CFAP410: variants seen among roughly 807,000 people sequenced by gnomAD.
The protein encoded by CFAP410 is cilia- and flagella-associated protein 410.
In CFAP410, 27 loss-of-function variants were observed where a neutral mutation model predicts 25.7. The ratio of observed to expected loss-of-function variants is 1.05; its 90% CI spans 0.77 to 1.45. The LOEUF (loss-of-function observed/expected upper bound fraction) is 1.45, where lower values mean the gene tolerates loss of function less well. Among genes scored for constraint, CFAP410 ranks in the 40% most tolerant of loss-of-function variants. CFAP410 has a pLI of 0.00. For synonymous variants in CFAP410, 178 were observed against 158.4 expected, an observed-to-expected ratio of 1.12 and a Z score of -0.93; for missense variants, 428 against 354.1, an observed-to-expected ratio of 1.21 and a Z score of -1.67.
rs770840314 is a variant in CFAP410 at position 44,339,102 on chromosome 21, C to A, written c.77+16G>T. 13 of 1,421,984 alleles carry A rather than the reference C, an allele frequency of 9.1e-6. No homozygotes were observed. The East Asian group carries it at 3.4e-4, about 37-fold the overall frequency. 88.1% of individuals were successfully genotyped at this position (1,421,984 alleles called of 1,614,324 possible). The stretch of plus-strand genomic sequence containing the variant: ...TCCCCCCACCCCGGGGCGGCCGCGG[C>A]CAGGCCCCGCCTCACCAGCAGTTGA... On this transcript the variant is annotated intron_variant, in intron 1 of 6. Transcript: ENST00000339818.
rs776011648 is a variant in CFAP410, at chr21:44,338,144, T to C, written c.78-477A>G. 3.4e-4 allele frequency: 194 copies of C among 574,922 alleles called. 1 individual carries two copies. The highest frequency in any genetic ancestry group is 4.4e-4 in the Non-Finnish European group (174 of 391,036). 35.6% of individuals were successfully genotyped at this position (574,922 alleles called of 1,614,324 possible). A position where few individuals can be genotyped will look rare whatever the true frequency, so the allele number is the denominator to read the frequency against. On this transcript the variant is annotated intron_variant, in intron 1 of 6. Transcript: ENST00000339818. ...CCATGCAAAACAAAGAAATGCATTATTGAAAGCAAATGACACGGGAATTGT... is the reference window on the plus strand; with the variant it reads ...CCATGCAAAACAAAGAAATGCATTACTGAAAGCAAATGACACGGGAATTGT...
At chr21:44,337,968 AGAAGG>A (rs1296318458) in intron 1 of CFAP410, among the ~76,000 whole-genome samples, 37 of 152,336 alleles carry the variant, frequency 2.4e-4, no homozygotes, top group African/African-American at 8.9e-4. Flanking sequence ...CCTGAGTAGC[AGAAGG>A]TTCATTTCTC....
chr21:44,330,868 A>G lies in CFAP410; in HGVS notation c.597T>C (p.Phe199=). The change falls in exon 6 of 7, where the codon TTT becomes TTC. Residue 199 remains phenylalanine (F), a synonymous_variant. Transcript: ENST00000339818. ...AGGCATCCCTGGCTGAGAGGGAAGGAAACTGGCCCCGGGAAGGCGGCTTCA... is the reference window on the plus strand; with the variant it reads ...AGGCATCCCTGGCTGAGAGGGAAGGGAACTGGCCCCGGGAAGGCGGCTTCA... ...RGLKPPSRGQ[F]PSLSARDASS... 1.2e-6 allele frequency: 2 copies of G among 1,605,242 alleles called. No individual in the cohort carries two copies. The highest frequency in any genetic ancestry group is 1.7e-6 in the Non-Finnish European group (2 of 1,174,870).
At chr21:44,336,678 G>A (rs2047762491) in intron 2 of CFAP410, 1 of 152,176 alleles carries the variant, frequency 6.6e-6, no homozygotes. Context: ...TAAACATGCA[G>A]TATTTCAGTT....
Position 44,339,292 on chromosome 21 carries a change from CGTCAGGG to C in CFAP410, c.-105_-99del, listed in dbSNP as rs1490337952. The C allele has an allele frequency of 4.2e-6, 3 of 714,478 alleles. No homozygotes were observed. The African/African-American group carries it at 5.7e-5, about 14-fold the overall frequency. 44.3% of individuals were successfully genotyped at this position (714,478 alleles called of 1,614,324 possible). On this transcript the variant is annotated 5_prime_UTR_variant, in exon 1 of 7. Transcript: ENST00000339818. ...GTGTCTCCAGGGGCGGGGCCCGCGT[CGTCAGGG>C]GCGGATCCTGAGCCGATTGGCGGCT...
rs142311165 is a variant in CFAP410, at chr21:44,332,447, G to A, written c.374-433C>T. 467 of 168,270 alleles carry A rather than the reference G, an allele frequency of 2.8e-3. 1 individual carries two copies. The highest frequency in any genetic ancestry group is 5.2e-3 in the Non-Finnish European group (414 of 79,288). 10.4% of individuals were successfully genotyped at this position (168,270 alleles called of 1,614,324 possible). A position where few individuals can be genotyped will look rare whatever the true frequency, so the allele number is the denominator to read the frequency against. On this transcript the variant is annotated intron_variant, in intron 4 of 6. Transcript: ENST00000339818. The stretch of plus-strand genomic sequence containing the variant: ...GACAAGGATGAGACACTAGTGTGCT[G>A]AGAATGCCAAGGATGAACAAACAGC...
chr21:44,332,899 G>T, intron 4 of CFAP410, 134 bp downstream of exon 4: 1 of 655,280 alleles, frequency 1.5e-6, no homozygotes, highest in African/African-American at 1.8e-5. Context: ...AGCCTCTGGA[G>T]GAGACTTCAC....
At chr21:44,331,209 C>G (rs775972013) in intron 5 of CFAP410, 7 of 508,042 alleles carry the variant, frequency 1.4e-5, no homozygotes, top group Non-Finnish European at 2.5e-5. Flanking sequence ...GGGGGGCACC[C>G]GAACACACAA....
In CFAP410 at chr21:44,330,310, A is replaced by G; in HGVS notation, c.659T>C (p.Ile220Thr). Reference protein sequence around the residue: ...SHRGRNVLTAILLLLRELDAE... With the variant: ...SHRGRNVLTATLLLLRELDAE... ...ATCCAGCTCCCGCAGCAGCAGCAGGATGGCAGTCAGGACGTTCTGAGGGCA... is the reference window on the plus strand; with the variant it reads ...ATCCAGCTCCCGCAGCAGCAGCAGGGTGGCAGTCAGGACGTTCTGAGGGCA... The change falls in exon 7 of 7, where the codon ATC becomes ACC. Residue 220 changes from isoleucine to threonine, a missense_variant. Coordinates refer to ENST00000339818, the MANE Select transcript of CFAP410 (RefSeq NM_004928.3). 2 of 1,610,870 alleles carry G rather than the reference A, an allele frequency of 1.2e-6. No homozygotes were observed. Among genetic ancestry groups the G allele is most frequent in the East Asian group, 2.2e-5 (1 of 44,834 alleles).
Position 44,330,138 on chromosome 21 carries a change from G to C in CFAP410, c.*60C>G. On this transcript the variant is annotated 3_prime_UTR_variant, in exon 7 of 7. Transcript: ENST00000339818. Reference sequence around the variant, plus strand: ...CCATGGCAGCCACCCTCCAGCTCCCGGGGGCTGGGGAAGACGCTGGGGTCC... The same window carrying C: ...CCATGGCAGCCACCCTCCAGCTCCCCGGGGCTGGGGAAGACGCTGGGGTCC... The C allele has an allele frequency of 4.0e-6, 6 of 1,518,092 alleles. No homozygotes were observed. Among genetic ancestry groups the C allele is most frequent in the Non-Finnish European group, 5.3e-6 (6 of 1,133,454 alleles). 94.0% of individuals were successfully genotyped at this position (1,518,092 alleles called of 1,614,324 possible).
Position 44,333,211 on chromosome 21 carries a change from A to G in CFAP410, c.195T>C (p.Ser65=), listed in dbSNP as rs2047685720. The G allele has an allele frequency of 1.9e-6, 3 of 1,612,922 alleles. No individual in the cohort carries two copies. The highest frequency in any genetic ancestry group is 2.5e-6 in the Non-Finnish European group (3 of 1,179,926). ...TGCGGTTCCTCCGCAGGTACAGCTC[A>G]CTCAGGCGCTGGCACCGGCTCACAG... is the stretch of plus-strand genomic sequence containing the variant. ...LEPVSRCQRL[S]ELYLRRNRIP... Residue 65 remains serine (S), a synonymous_variant, in exon 4 of 7, where the codon AGT becomes AGC. Coordinates refer to ENST00000339818, the MANE Select transcript of CFAP410 (RefSeq NM_004928.3).
At position 44,331,936 on chromosome 21, in the gene CFAP410, C is replaced by G; in HGVS notation, c.452G>C (p.Gly151Ala). Reference sequence around the variant, plus strand: ...GCAGCATAGCTTGGGGCCGCCGTGGCCTGTGCCCTCTCTCTCTGGGGCCGC... The same window carrying G: ...GCAGCATAGCTTGGGGCCGCCGTGGGCTGTGCCCTCTCTCTCTGGGGCCGC... ...ITAAPEREGT[G>A]HGGPKLCCTL... Residue 151 changes from glycine to alanine, a missense_variant, in exon 5 of 7, where the codon GGC (glycine) becomes GCC (alanine). Transcript: ENST00000339818. 1 of 1,613,672 alleles carries G rather than the reference C, an allele frequency of 6.2e-7. No individual in the cohort carries two copies. Among genetic ancestry groups the G allele is most frequent in the South Asian group, 1.1e-5 (1 of 91,032 alleles).
At position 44,329,241 on chromosome 21, in the gene CFAP410, C is replaced by G. The variant is rs907314583; in HGVS notation, c.*957G>C. ...TTGGGAGAACAGCGGCCTGCACACACGGTCACGCATCACCGCTCGGCGGAG... is the reference window on the plus strand; with the variant it reads ...TTGGGAGAACAGCGGCCTGCACACAGGGTCACGCATCACCGCTCGGCGGAG... On this transcript the variant is annotated 3_prime_UTR_variant, in exon 7 of 7. Transcript: ENST00000339818. The G allele has an allele frequency of 1.3e-5, 2 of 152,264 alleles. No homozygotes were observed. Among genetic ancestry groups the G allele is most frequent in the Non-Finnish European group, 2.9e-5 (2 of 68,074 alleles). The allele number at this position is 152,264 out of a possible 1,614,324, so 9.4% of individuals were successfully genotyped here. A position where few individuals can be genotyped will look rare whatever the true frequency, so the allele number is the denominator to read the frequency against.
At position 44,339,167 on chromosome 21, in the gene CFAP410, T is replaced by C. The variant is rs2047820625; in HGVS notation, c.28A>G (p.Thr10Ala). The change falls in exon 1 of 7, where the codon ACC becomes GCC. Residue 10 changes from threonine to alanine, a missense_variant. Physicochemically the swap from Thr to Ala is moderately conservative, Grantham distance 58. Coordinates refer to ENST00000339818, the MANE Select transcript of CFAP410 (RefSeq NM_004928.3). ...TGCAGCTCCGAGGCCTTGGCCCGGG[T>C]CAGAACCATCTTCCGCGTCAGCTTC... MKLTRKMVL[T>A]RAKASELHSV... 2.0e-6 allele frequency: 3 copies of C among 1,470,604 alleles called. No homozygotes were observed. The highest frequency in any genetic ancestry group is 2.7e-6 in the Non-Finnish European group (3 of 1,107,254). 91.1% of individuals were successfully genotyped at this position (1,470,604 alleles called of 1,614,324 possible).
At chr21:44,331,057 G>A in intron 5 of CFAP410, 138 bp from the exon 6 acceptor site, 1 of 777,842 alleles carries the variant, frequency 1.3e-6, no homozygotes, top group East Asian at 2.7e-5. Context: ...GGCAAGAGAA[G>A]GGAGGCAACT....
chr21:44,334,573 T>G, intron 3 of CFAP410: 3 of 169,370 alleles, frequency 1.8e-5, no homozygotes, highest in Middle Eastern at 2.1e-3. Flanking sequence ...CTGCTCAACC[T>G]CTGGACTCGG....
rs752479202 is a variant in CFAP410, at chr21:44,331,856, C to T, written c.532G>A (p.Glu178Lys). 3.6e-5 allele frequency: 58 copies of T among 1,611,084 alleles called. No individual in the cohort carries two copies. The highest frequency in any genetic ancestry group is 8.3e-5 in the Admixed American group (5 of 59,886). Reference sequence around the variant, plus strand: ...CTCCAGCCTCACGTTGCCTCCTCCTCGCTGTCCAGCGGGTCCCGGCCAGTC... The same window carrying T: ...CTCCAGCCTCACGTTGCCTCCTCCTTGCTGTCCAGCGGGTCCCGGCCAGTC... Reference protein sequence around the residue: ...AETGRDPLDSEEEATSGAQDE... With the variant: ...AETGRDPLDSKEEATSGAQDE... The change falls in exon 5 of 7, where the codon GAG becomes AAG. Residue 178 changes from glutamate (E) to lysine (K), a missense_variant. Transcript: ENST00000339818.
chr21:44,339,190 T>C lies in CFAP410; in HGVS notation c.5A>G (p.Lys2Arg). M[K>R]LTRKMVLTRA... ...GGTCAGAACCATCTTCCGCGTCAGC[T>C]TCATGGCGGCCGCCCAGGCCCGACC... is the stretch of plus-strand genomic sequence containing the variant. The change falls in exon 1 of 7, where the codon AAG becomes AGG. Residue 2 changes from lysine (K) to arginine (R), a missense_variant. Physicochemically the swap from Lys to Arg is conservative, Grantham distance 26. Transcript: ENST00000339818. The C allele has an allele frequency of 6.8e-7, 1 of 1,462,500 alleles. No homozygotes were observed. The highest frequency in any genetic ancestry group is 1.5e-5 in the African/African-American group (1 of 67,706). 90.6% of individuals were successfully genotyped at this position (1,462,500 alleles called of 1,614,324 possible). A position where few individuals can be genotyped will look rare whatever the true frequency, so the allele number is the denominator to read the frequency against.
At chr21:44,337,802 G>A in intron 1 of CFAP410, 135 bp from the exon 2 acceptor site, 6 of 702,484 alleles carry the variant, frequency 8.5e-6, no homozygotes, top group Non-Finnish European at 1.5e-5. Context: ...GGCAAAAAAG[G>A]AAGGTTGCCC....
Sources: gnomAD v4.1 joint callset for allele counts (sites outside exome capture counted in the v4.1 genomes callset) on GRCh38, gnomAD v4.1.1 for gene constraint, MANE v1.5 for transcripts, NCBI Gene and HGNC (gene_info 2026-07-23, HGNC 2026-07-21) for gene names.